Variants in MAPK10 observed in about 807,000 individuals in gnomAD.
The protein encoded by MAPK10 is JNK3 alpha protein kinase.
In MAPK10, 25 loss-of-function variants were observed where a neutral mutation model predicts 59.3. The observed-to-expected ratio is 0.42, with a 90% confidence interval of 0.31 to 0.59. MAPK10 has a LOEUF of 0.59. Among genes scored for constraint, MAPK10 ranks in the 20% least tolerant of loss-of-function variants. The probability of loss-of-function intolerance (pLI) is 0.15; values close to 1 mark genes in which losing one functional copy is unlikely to be tolerated. For synonymous variants in MAPK10, 190 were observed against 200.5 expected (o/e 0.95, Z 0.44); for missense variants, 351 against 568.9 (o/e 0.62, Z 3.90).
At chr4:86,409,610 C>T (rs959198952) in intron 1 of MAPK10, among the ~76,000 whole-genome samples, 2 of 152,042 alleles carry the variant, frequency 1.3e-5, no homozygotes, top group Non-Finnish European at 2.9e-5. Context: ...TTGAAGAGGT[C>T]CTTCGCATCC....
At chr4:86,309,073 A>T (rs997825835) in intron 2 of MAPK10, among the ~76,000 whole-genome samples, 3 of 152,198 alleles carry the variant, frequency 2.0e-5, no homozygotes, top group African/African-American at 7.2e-5. Flanking sequence ...CTTTACATTA[A>T]AATGGAAAAA....
At chr4:86,414,007 C>T (rs1197216456) in intron 1 of MAPK10, among the ~76,000 whole-genome samples, 1 of 152,192 alleles carries the variant, frequency 6.6e-6, no homozygotes. Context: ...GTCAATCTCA[C>T]TGGGAGCTGA....
intron 9 of MAPK10, among the ~76,000 whole-genome samples, chr4:86,086,779 A>T (rs925302899): frequency 2.4e-4 from 37 of 152,284 alleles, no homozygotes; most frequent in Admixed American, 6.5e-4. Flanking sequence ...ACTCATTTCT[A>T]ATAACAGAAT....
At chr4:86,160,960 C>T (rs2069411377) in intron 3 of MAPK10, among the ~76,000 whole-genome samples, 1 of 144,490 alleles carries the variant, frequency 6.9e-6, no homozygotes, top group Admixed American at 7.3e-5. Context: ...GGGATCCAAG[C>T]AGCATCAGTG....
intron 4 of MAPK10, among the ~76,000 whole-genome samples, chr4:86,144,696 CA>C (rs1412650372): frequency 3.9e-5 from 6 of 151,976 alleles, no homozygotes; most frequent in Admixed American, 3.9e-4. Context: ...ATTGATAATG[CA>C]AAAATCCCTT....
chr4:86,459,245 C>A (rs189888312), intron 1 of MAPK10, among the ~76,000 whole-genome samples: 2 of 152,144 alleles, frequency 1.3e-5, no homozygotes, highest in African/African-American at 2.4e-5. Flanking sequence ...TGGCTATAAT[C>A]AAAAAATAAT....
chr4:86,274,421 AT>A (rs2094515226), intron 2 of MAPK10, among the ~76,000 whole-genome samples: 1 of 151,994 alleles, frequency 6.6e-6, no homozygotes, highest in Non-Finnish European at 1.5e-5. Context: ...CTCTTGGAAA[AT>A]GTTAAAAGAG....
intron 1 of MAPK10, among the ~76,000 whole-genome samples, chr4:86,466,059 T>G (rs1752170497): frequency 6.6e-6 from 1 of 152,244 alleles, no homozygotes; most frequent in Non-Finnish European, 1.5e-5. Flanking sequence ...TGGCTGGCAA[T>G]AATGCCTGGA....
chr4:86,359,595 A>G (rs1736430790), intron 1 of MAPK10, 63 bp downstream of exon 1: 1 of 790,618 alleles, frequency 1.3e-6, no homozygotes, highest in African/African-American at 1.9e-5. Context: ...AGGAGCAATC[A>G]ATAGACATCA....
intron 3 of MAPK10, among the ~76,000 whole-genome samples, chr4:86,182,102 A>G (rs1299358569): frequency 1.3e-5 from 2 of 152,080 alleles, no homozygotes; most frequent in African/African-American, 4.8e-5. Context: ...ATACCAGTGC[A>G]AACTAAAGAT....
chr4:86,264,741 G>A (rs1489980969), intron 2 of MAPK10, among the ~76,000 whole-genome samples: 1 of 152,094 alleles, frequency 6.6e-6, no homozygotes, highest in Non-Finnish European at 1.5e-5. Context: ...AGAAAAGACG[G>A]GCAACCCTGA....
chr4:86,388,034 A>G (rs1250588049), intron 1 of MAPK10, among the ~76,000 whole-genome samples: 1 of 150,398 alleles, frequency 6.6e-6, no homozygotes, highest in Non-Finnish European at 1.5e-5. Context: ...AAAAACAATA[A>G]AAGTACTAAA....
chr4:86,223,131 C>A (rs1437802993), intron 2 of MAPK10, among the ~76,000 whole-genome samples: 5 of 152,162 alleles, frequency 3.3e-5, no homozygotes, highest in Admixed American at 3.3e-4. Context: ...ACAAATTTTA[C>A]TTTTTATCAT....
rs757993290 is a variant in MAPK10, at chr4:86,570,634, T to A, written c.-263+23276A>T. Among the ~76,000 whole-genome samples, 13 of 152,114 alleles carry A rather than the reference T, an allele frequency of 8.5e-5. 1 individual carries two copies. The highest frequency in any genetic ancestry group is 2.0e-4 in the Admixed American group (3 of 15,272). Reference sequence around the variant, plus strand: ...TGCTGATCCCTGAAATATTTACAAATAATTATAATTTGGTAAATACAGTGA... The same window carrying A: ...TGCTGATCCCTGAAATATTTACAAAAAATTATAATTTGGTAAATACAGTGA... On this transcript the variant is annotated intron_variant, in intron 1 of 4. Transcript: ENST00000502302.
At chr4:86,458,408 G>A (rs1266056674) in intron 1 of MAPK10, among the ~76,000 whole-genome samples, 2 of 151,992 alleles carry the variant, frequency 1.3e-5, no homozygotes, top group African/African-American at 4.8e-5. Flanking sequence ...GTTTTGGTGA[G>A]CTGAGATCAT....
At chr4:86,053,625 C>T (rs1004851628) in intron 11 of MAPK10, among the ~76,000 whole-genome samples, 6 of 152,068 alleles carry the variant, frequency 3.9e-5, no homozygotes, top group Non-Finnish European at 7.4e-5. Flanking sequence ...CACAAGTTCC[C>T]ACCCTGACTT....
chr4:86,230,097 C>G (rs61056426), intron 2 of MAPK10, among the ~76,000 whole-genome samples: 87 of 152,260 alleles, frequency 5.7e-4, no homozygotes, highest in African/African-American at 2.0e-3. Flanking sequence ...TTCATAAACA[C>G]TTTTGAGTTG....
At chr4:86,157,149 TA>T (rs1161290874) in intron 4 of MAPK10, among the ~76,000 whole-genome samples, 1 of 151,904 alleles carries the variant, frequency 6.6e-6, no homozygotes, top group African/African-American at 2.4e-5. Context: ...AAGTAAGAAA[TA>T]AAACAGTCCA....
intron 1 of MAPK10, among the ~76,000 whole-genome samples, chr4:86,495,889 G>T (rs1754832074): frequency 6.6e-6 from 1 of 152,008 alleles, no homozygotes; most frequent in Non-Finnish European, 1.5e-5. Context: ...GATCCAGGCT[G>T]AATTTTTTTG....
Sources: allele counts gnomAD v4.1 joint callset (sites outside exome capture counted in the v4.1 genomes callset), GRCh38; gene constraint gnomAD v4.1.1; transcripts MANE v1.5; gene names NCBI Gene and HGNC (gene_info 2026-07-23, HGNC 2026-07-21).